The following OPCML variants were observed in gnomAD, a reference collection of about 807,000 sequenced individuals.
OPCML encodes the protein opioid-binding protein/cell adhesion molecule.
In OPCML, 13 loss-of-function variants were observed where a neutral mutation model predicts 37.8. That is an observed-to-expected ratio of 0.34 (90% CI 0.22 to 0.55). OPCML has a LOEUF of 0.55. Among genes scored for constraint, OPCML ranks in the 20% least tolerant of loss-of-function variants. OPCML has a pLI of 0.91. For synonymous variants in OPCML, 176 were observed against 168.8 expected (o/e 1.04, Z -0.33); for missense variants, 341 against 435.6 (o/e 0.78, Z 1.93).
At chr11:132,686,749 C>G (rs1033330250) in intron 2 of OPCML, among the ~76,000 whole-genome samples, 1 of 152,162 alleles carries the variant, frequency 6.6e-6, no homozygotes, top group Non-Finnish European at 1.5e-5. Context: ...ATTTGTTTTT[C>G]CACGTGTTCT....
At chr11:132,500,073 A>G (rs921891310) in intron 4 of OPCML, among the ~76,000 whole-genome samples, 4 of 152,182 alleles carry the variant, frequency 2.6e-5, no homozygotes, top group Admixed American at 6.5e-5. Context: ...TTGAGTCGGG[A>G]CACTGATGTT....
chr11:132,898,780 G>C (rs71477421), intron 2 of OPCML, among the ~76,000 whole-genome samples: 11,756 of 152,146 alleles, frequency 0.077, 633 homozygotes, highest in Middle Eastern at 0.12. Flanking sequence ...GTTCCAGAGA[G>C]AGTAATGTTT....
chr11:132,561,688 C>T (rs570826442), intron 3 of OPCML, among the ~76,000 whole-genome samples: 2 of 152,348 alleles, frequency 1.3e-5, no homozygotes, highest in East Asian at 1.9e-4. Flanking sequence ...TCATGTCATA[C>T]TTAATCATTT....
chr11:133,043,372 G>A (rs904494921), intron 1 of OPCML, among the ~76,000 whole-genome samples: 11 of 152,150 alleles, frequency 7.2e-5, no homozygotes, highest in Non-Finnish European at 1.3e-4. Context: ...CATTACCTCC[G>A]CCTTTGAGGA....
At chr11:133,118,241 G>A (rs1056306433) in intron 1 of OPCML, 2 of 985,226 alleles carry the variant, frequency 2.0e-6, no homozygotes, top group African/African-American at 3.5e-5. Context: ...ACATAGCTGG[G>A]ATATATGTCT....
intron 2 of OPCML, among the ~76,000 whole-genome samples, chr11:132,712,229 CG>C (rs1311570924): frequency 1.3e-5 from 2 of 152,064 alleles, no homozygotes; most frequent in East Asian, 3.9e-4. Context: ...ATGTAATTAG[CG>C]GAACTGCAGG....
chr11:133,097,763 A>G (rs1161929038), intron 1 of OPCML, among the ~76,000 whole-genome samples: 9 of 152,216 alleles, frequency 5.9e-5, no homozygotes, highest in African/African-American at 2.2e-4. Context: ...TTGATGACCT[A>G]TATGAAACAG....
At position 133,006,335 on chromosome 11, in the gene OPCML, C is replaced by T. The variant is rs1947111938; in HGVS notation, c.62-63325G>A. The T allele has an allele frequency of 6.1e-6, 4 of 656,122 alleles. No individual in the cohort carries two copies. In the South Asian group the frequency reaches 2.1e-4, roughly 34 times the overall value. 40.6% of individuals were successfully genotyped at this position (656,122 alleles called of 1,614,324 possible). Reference sequence around the variant, plus strand: ...TTCTTCCTTTTCACCCAATAAAACCCTATCTTACTACCATTGAAATGGTCT... The same window carrying T: ...TTCTTCCTTTTCACCCAATAAAACCTTATCTTACTACCATTGAAATGGTCT... On this transcript the variant is annotated intron_variant, in intron 1 of 7. Transcript: ENST00000524381.
chr11:132,487,550 C>T (rs1237066077), intron 4 of OPCML, among the ~76,000 whole-genome samples: 3 of 152,214 alleles, frequency 2.0e-5, no homozygotes, highest in Non-Finnish European at 4.4e-5. Flanking sequence ...GCTGCACGAA[C>T]ACCTCATTCT....
intron 1 of OPCML, among the ~76,000 whole-genome samples, chr11:133,439,657 C>T (rs61912403): frequency 0.07 from 10,678 of 151,496 alleles, 548 homozygotes; most frequent in Non-Finnish European, 0.11. Context: ...TTAGTAGAGA[C>T]GGGGTTTCAC....
chr11:133,446,008 C>T (rs796301897), intron 1 of OPCML, among the ~76,000 whole-genome samples: 9 of 152,228 alleles, frequency 5.9e-5, no homozygotes, highest in African/African-American at 1.9e-4. Flanking sequence ...ATATCTGTTC[C>T]GCCTACCTCC....
intron 2 of OPCML, among the ~76,000 whole-genome samples, chr11:132,778,883 G>T (rs1314751922): frequency 2.9e-4 from 44 of 149,900 alleles, no homozygotes; most frequent in Admixed American, 2.9e-3. Flanking sequence ...AAATATAAGA[G>T]AATTTTAACT....
At position 133,431,765 on chromosome 11, in the gene OPCML, G is replaced by A. The variant is rs913128443; in HGVS notation, c.61+100499C>T. Among the ~76,000 whole-genome samples, 11 of 148,640 alleles carry A rather than the reference G, an allele frequency of 7.4e-5. No individual in the cohort carries two copies. The South Asian group carries it at 1.3e-3, about 17-fold the overall frequency. ...CAGGTGTGAACCACTGCGCCCCGCC[G>A]AATCTCAATTTATTTTATATATATA... is the stretch of plus-strand genomic sequence containing the variant. On this transcript the variant is annotated intron_variant, in intron 1 of 7. Transcript: ENST00000524381.
intron 2 of OPCML, among the ~76,000 whole-genome samples, chr11:132,859,825 T>C (rs1942222175): frequency 6.6e-6 from 1 of 152,240 alleles, no homozygotes; most frequent in African/African-American, 2.4e-5. Context: ...CTTAATTTTG[T>C]AAACACGCCT....
chr11:132,828,636 G>A (rs4129343), intron 2 of OPCML, among the ~76,000 whole-genome samples: 3 of 150,146 alleles, frequency 2.0e-5, no homozygotes, highest in African/African-American at 7.3e-5. Context: ...GAAAAAAAAA[G>A]TGGAATTTTT....
intron 1 of OPCML, among the ~76,000 whole-genome samples, chr11:133,256,426 T>A (rs1941313271): frequency 6.6e-6 from 1 of 152,252 alleles, no homozygotes; most frequent in Non-Finnish European, 1.5e-5. Context: ...TATATGTTCA[T>A]AATGTGTATG....
At chr11:132,827,242 T>C (rs962767390) in intron 2 of OPCML, among the ~76,000 whole-genome samples, 1 of 152,008 alleles carries the variant, frequency 6.6e-6, no homozygotes, top group Non-Finnish European at 1.5e-5. Flanking sequence ...TTGACCCAAT[T>C]TTAAAGGGGA....
intron 1 of OPCML, among the ~76,000 whole-genome samples, chr11:133,070,497 G>A (rs960190085): frequency 6.6e-6 from 1 of 152,178 alleles, no homozygotes; most frequent in Non-Finnish European, 1.5e-5. Flanking sequence ...GATGGCCAGA[G>A]GCGGGCCCAC....
intron 1 of OPCML, among the ~76,000 whole-genome samples, chr11:133,119,195 A>C (rs868144285): frequency 3.3e-5 from 5 of 151,712 alleles, no homozygotes; most frequent in Admixed American, 2.6e-4. Context: ...TGGCCAGGAG[A>C]CTCCCAGAGA....
Sources: allele counts gnomAD v4.1 joint callset (sites outside exome capture counted in the v4.1 genomes callset), GRCh38; gene constraint gnomAD v4.1.1; transcripts MANE v1.5; gene names NCBI Gene and HGNC (gene_info 2026-07-23, HGNC 2026-07-21).